Variants in ANKRD6 observed in about 807,000 individuals in gnomAD.
ANKRD6 encodes the protein ankyrin repeat domain-containing protein 6.
ANKRD6 carries 56 observed loss-of-function variants against 82.3 expected under a neutral mutation model. The observed-to-expected ratio is 0.68, with a 90% CI of 0.55 to 0.85. The LOEUF is 0.85. Among genes scored for constraint, ANKRD6 ranks in the 40% least tolerant of loss-of-function variants. The probability of loss-of-function intolerance (pLI) is 0.00; values close to 1 mark genes in which losing one functional copy is unlikely to be tolerated. For missense variants in ANKRD6, 852 were observed against 907.6 expected, an observed-to-expected ratio of 0.94 and a Z score of 0.79; for synonymous variants, 347 against 352.1, an observed-to-expected ratio of 0.99 and a Z score of 0.16.
At chr6:89,616,127 T>C (rs1396273716) in intron 7 of ANKRD6, among the ~76,000 whole-genome samples, 1 of 152,194 alleles carries the variant, frequency 6.6e-6, no homozygotes, top group Non-Finnish European at 1.5e-5. Flanking sequence ...TCACGGCTTC[T>C]CCTGCTCAAT....
In ANKRD6 at chr6:89,443,043, G is replaced by A. The variant is rs926384476; in HGVS notation, c.-144+9668G>A. 2.6e-5 allele frequency among the ~76,000 whole-genome samples: 4 copies of A among 152,184 alleles called. No homozygotes were observed. The East Asian group carries it at 5.8e-4, about 22-fold the overall frequency. On this transcript the variant is annotated intron_variant, in intron 1 of 15. Transcript: ENST00000339746. ...AATATGGCAAAGAAACATATTTTGG[G>A]ATAAAATACTTTGATTTTCTTCTTT...
At chr6:89,489,616 T>C (rs1202976773) in intron 1 of ANKRD6, among the ~76,000 whole-genome samples, 2 of 152,240 alleles carry the variant, frequency 1.3e-5, no homozygotes, top group Non-Finnish European at 2.9e-5. Context: ...GAAAAGAGAC[T>C]ACCTTAGGAT....
At chr6:89,522,395 A>G (rs376766340) in intron 1 of ANKRD6, among the ~76,000 whole-genome samples, 7 of 152,262 alleles carry the variant, frequency 4.6e-5, no homozygotes, top group African/African-American at 1.7e-4. Context: ...AGTGTCATAG[A>G]AAGAACTGCC....
chr6:89,616,679 C>T (rs750779599), intron 8 of ANKRD6, 22 bp downstream of exon 8: 3 of 1,610,938 alleles, frequency 1.9e-6, no homozygotes, highest in Non-Finnish European at 2.5e-6. Context: ...TGCAACATTG[C>T]TTTCTAAAGT....
At chr6:89,502,792 T>G (rs1196549632) in intron 1 of ANKRD6, among the ~76,000 whole-genome samples, 1 of 152,216 alleles carries the variant, frequency 6.6e-6, no homozygotes, top group Non-Finnish European at 1.5e-5. Flanking sequence ...CTAAGTGTTA[T>G]TTATGTTAAT....
chr6:89,603,228 AT>A, intron 4 of ANKRD6, 101 bp downstream of exon 4: 1 of 915,082 alleles, frequency 1.1e-6, no homozygotes, highest in Non-Finnish European at 1.7e-6. Flanking sequence ...TCCTCGAGGT[AT>A]TATAATTCCT....
chr6:89,483,943 T>C (rs1042508456), intron 1 of ANKRD6, among the ~76,000 whole-genome samples: 11 of 152,148 alleles, frequency 7.2e-5, no homozygotes, highest in African/African-American at 2.7e-4. Flanking sequence ...TGAGACAGAG[T>C]CTCGTGCTGT....
At chr6:89,594,359 G>C (rs1338889044) in intron 2 of ANKRD6, among the ~76,000 whole-genome samples, 1 of 152,164 alleles carries the variant, frequency 6.6e-6, no homozygotes, top group Non-Finnish European at 1.5e-5. Flanking sequence ...GGACACTGAG[G>C]TGGGAGGATC....
intron 1 of ANKRD6, among the ~76,000 whole-genome samples, chr6:89,476,857 A>G (rs576253653): frequency 2.6e-5 from 4 of 152,352 alleles, no homozygotes; most frequent in Admixed American, 2.0e-4. Flanking sequence ...GTCTGCAACC[A>G]TGCTATTTGT....
At chr6:89,559,385 T>A (rs527965104) in intron 1 of ANKRD6, among the ~76,000 whole-genome samples, 43 of 152,230 alleles carry the variant, frequency 2.8e-4, no homozygotes, top group Non-Finnish European at 5.4e-4. Context: ...TTTCCTGACC[T>A]CCTTTCACCC....
At chr6:89,540,675 C>T (rs545922662) in intron 1 of ANKRD6, among the ~76,000 whole-genome samples, 165 of 152,172 alleles carry the variant, frequency 1.1e-3, no homozygotes, top group African/African-American at 3.7e-3. Context: ...CTTGTGCTTG[C>T]GGGGTATTGC....
intron 1 of ANKRD6, among the ~76,000 whole-genome samples, chr6:89,447,359 G>C (rs1336419203): frequency 6.6e-6 from 1 of 152,176 alleles, no homozygotes; most frequent in Non-Finnish European, 1.5e-5. Flanking sequence ...GGTCTAGATA[G>C]ATTAAACCAG....
chr6:89,456,691 A>G (rs1353941478), intron 1 of ANKRD6, among the ~76,000 whole-genome samples: 1 of 152,180 alleles, frequency 6.6e-6, no homozygotes, highest in East Asian at 1.9e-4. Flanking sequence ...TTACTTGTCT[A>G]TCAAAATAGC....
chr6:89,517,110 C>A (rs1781327563), intron 1 of ANKRD6, among the ~76,000 whole-genome samples: 1 of 152,142 alleles, frequency 6.6e-6, no homozygotes, highest in East Asian at 1.9e-4. Flanking sequence ...GCTCAAGTTA[C>A]CCTCCTGCCT....
At chr6:89,577,213 A>T (rs1473069322) in intron 2 of ANKRD6, among the ~76,000 whole-genome samples, 2 of 151,806 alleles carry the variant, frequency 1.3e-5, no homozygotes, top group Non-Finnish European at 2.9e-5. Flanking sequence ...GCCCAAAGCC[A>T]TCGTTTCTTC....
intron 2 of ANKRD6, among the ~76,000 whole-genome samples, chr6:89,588,596 T>C (rs1401164567): frequency 6.6e-6 from 1 of 152,194 alleles, no homozygotes; most frequent in South Asian, 2.1e-4. Flanking sequence ...TTTTATTGTT[T>C]GAGCCAATGA....
intron 1 of ANKRD6, among the ~76,000 whole-genome samples, chr6:89,554,951 C>G (rs982405054): frequency 1.3e-5 from 2 of 152,086 alleles, no homozygotes; most frequent in Non-Finnish European, 2.9e-5. Context: ...TCCTGGTTTT[C>G]TTTCCTAATT....
intron 1 of ANKRD6, among the ~76,000 whole-genome samples, chr6:89,537,854 G>A (rs1404403374): frequency 1.5e-5 from 2 of 137,212 alleles, no homozygotes; most frequent in Non-Finnish European, 3.1e-5. Context: ...AGCTGTGGTT[G>A]TGCTGACAGA....
intron 1 of ANKRD6, among the ~76,000 whole-genome samples, chr6:89,491,286 G>T (rs1777978084): frequency 6.6e-6 from 1 of 152,206 alleles, no homozygotes. Flanking sequence ...AAGGGATGGT[G>T]TTGGGATTCA....
Sources: allele counts gnomAD v4.1 joint callset (sites outside exome capture counted in the v4.1 genomes callset), GRCh38; gene constraint gnomAD v4.1.1; transcripts MANE v1.5; gene names NCBI Gene and HGNC (gene_info 2026-07-23, HGNC 2026-07-21).